The following RAF1 variants were observed in gnomAD, a reference collection of about 807,000 sequenced individuals.
RAF1 encodes Raf-1 proto-oncogene, serine/threonine kinase.
Under a neutral mutation model 81.1 loss-of-function variants are expected in RAF1, and 27 were observed. The ratio of observed to expected loss-of-function variants is 0.33; its 90% CI spans 0.25 to 0.46. RAF1 has a LOEUF of 0.46. Ranked by LOEUF, RAF1 falls within the 20% of genes least tolerant of loss-of-function variation. The pLI, the probability that RAF1 is intolerant of heterozygous loss-of-function variation, is 1.00. For synonymous variants in RAF1, 298 were observed against 294.0 expected, an observed-to-expected ratio of 1.01 and a Z score of -0.14; for missense variants, 598 against 826.0, an observed-to-expected ratio of 0.72 and a Z score of 3.38.
intron 1 of RAF1, among the ~76,000 whole-genome samples, chr3:12,627,006 A>G (rs1449503700): frequency 1.4e-5 from 2 of 147,804 alleles, no homozygotes; most frequent in Non-Finnish European, 3.0e-5. Flanking sequence ...CCTGGGTGAC[A>G]GCGAGACTCT....
chr3:12,619,549 G>A (rs1216505141), intron 1 of RAF1, among the ~76,000 whole-genome samples: 1 of 146,832 alleles, frequency 6.8e-6, no homozygotes, highest in Non-Finnish European at 1.5e-5. Flanking sequence ...TGGGGGACAA[G>A]AGCGAGACTC....
At chr3:12,629,517 C>A (rs775590862) in intron 1 of RAF1, among the ~76,000 whole-genome samples, 6 of 152,092 alleles carry the variant, frequency 3.9e-5, no homozygotes, top group East Asian at 1.9e-4. Context: ...CCCAACAACC[C>A]CCTATAAGAG....
intron 11 of RAF1, among the ~76,000 whole-genome samples, chr3:12,594,663 G>A: frequency 6.6e-6 from 1 of 152,126 alleles, no homozygotes; most frequent in East Asian, 1.9e-4. Context: ...TCTACTTTTT[G>A]GAACAATGAA....
chr3:12,586,274 C>A (rs1460776841), intron 14 of RAF1, among the ~76,000 whole-genome samples: 1 of 152,170 alleles, frequency 6.6e-6, no homozygotes, highest in Non-Finnish European at 1.5e-5. Flanking sequence ...AAATCCCTTA[C>A]TGAGTGTTCA....
chr3:12,655,876 T>G (rs79991023), intron 1 of RAF1, among the ~76,000 whole-genome samples: 3,170 of 151,938 alleles, frequency 0.021, 45 homozygotes, highest in Non-Finnish European at 0.032. Flanking sequence ...ATAGGCAAAT[T>G]CATAGAGAGA....
At chr3:12,644,706 A>T (rs569164226) in intron 1 of RAF1, among the ~76,000 whole-genome samples, 257 of 152,314 alleles carry the variant, frequency 1.7e-3, no homozygotes, top group Non-Finnish European at 3.2e-3. Context: ...GGACATTTTT[A>T]AGTTTTCTTC....
At chr3:12,651,035 T>C (rs2060507400) in intron 1 of RAF1, among the ~76,000 whole-genome samples, 1 of 152,212 alleles carries the variant, frequency 6.6e-6, no homozygotes, top group Non-Finnish European at 1.5e-5. Context: ...TGATGAAGGA[T>C]ACAGCCTTTC....
rs2125377335 is a variant in RAF1, at chr3:12,599,702, C to T, written c.1157G>A (p.Gly386Asp). The change falls in exon 11 of 18, where the codon GGT (glycine) becomes GAT (aspartate). Residue 386 changes from glycine (G) to aspartate (D), a missense_variant. Physicochemically the swap from Gly to Asp is moderately conservative, Grantham distance 94. Coordinates refer to ENST00000442415, the MANE Select transcript of RAF1 (RefSeq NM_001354689.3). ...GGCCCCAAGCTTACCGTGCCATTTA[C>T]CCTTATAAACAGTTCCAAAAGAGCC... 1 of 1,613,884 alleles carries T rather than the reference C, an allele frequency of 6.2e-7. No individual in the cohort carries two copies. The highest frequency in any genetic ancestry group is 8.5e-7 in the Non-Finnish European group (1 of 1,179,778).
intron 11 of RAF1, among the ~76,000 whole-genome samples, chr3:12,597,846 G>C (rs962820288): frequency 2.0e-5 from 3 of 151,626 alleles, no homozygotes; most frequent in African/African-American, 7.3e-5. Context: ...TTGAGCCCAG[G>C]AGGCAGAGAC....
At chr3:12,588,166 C>T (rs1216862875) in intron 13 of RAF1, 1 of 152,190 alleles carries the variant, frequency 6.6e-6, no homozygotes, top group African/African-American at 2.4e-5. Flanking sequence ...ACCCAATGTC[C>T]ATAAATGATG....
chr3:12,652,560 A>C (rs2060566650), intron 1 of RAF1, among the ~76,000 whole-genome samples: 1 of 151,950 alleles, frequency 6.6e-6, no homozygotes, highest in Non-Finnish European at 1.5e-5. Context: ...ATACTTACAG[A>C]CCATACATAA....
rs5746222 is a variant in RAF1, at chr3:12,600,045, G to T, written c.1050+107C>A. ...ACATTTATAATCTCCTTCATTGAAT[G>T]TATTTTATTAGAATCTTCTCCCAAA... On this transcript the variant is annotated intron_variant, in intron 10 of 17. Coordinates refer to ENST00000442415, the MANE Select transcript of RAF1 (RefSeq NM_001354689.3). 9.7e-4 allele frequency: 1,460 copies of T among 1,510,920 alleles called. 13 individuals carry two copies. The African/African-American group carries it at 0.016, about 16-fold the overall frequency. 93.6% of individuals were successfully genotyped at this position (1,510,920 alleles called of 1,614,324 possible). A position where few individuals can be genotyped will look rare whatever the true frequency, so the allele number is the denominator to read the frequency against.
intron 10 of RAF1, 65 bp from the exon 10 acceptor site, chr3:12,599,873 A>C: frequency 7.8e-7 from 1 of 1,281,140 alleles, no homozygotes; most frequent in Non-Finnish European, 1.1e-6. Flanking sequence ...TAATGAGGGC[A>C]TCAAAGGATC....
chr3:12,615,273 CAGG>C (rs2125442989), intron 2 of RAF1, among the ~76,000 whole-genome samples: 1 of 152,312 alleles, frequency 6.6e-6, no homozygotes, highest in South Asian at 2.1e-4. Context: ...GCAACAGCAG[CAGG>C]AGGAAGTCAA....
intron 1 of RAF1, among the ~76,000 whole-genome samples, chr3:12,624,317 C>A (rs2059634902): frequency 6.6e-6 from 1 of 152,106 alleles, no homozygotes; most frequent in African/African-American, 2.4e-5. Context: ...CTAAGGTATT[C>A]CTTTATCAAC....
At chr3:12,601,382 G>A (rs2058856728) in intron 8 of RAF1, among the ~76,000 whole-genome samples, 1 of 152,288 alleles carries the variant, frequency 6.6e-6, no homozygotes, top group East Asian at 1.9e-4. Context: ...CCTCATGGGA[G>A]AAAGCAAAGG....
At position 12,600,244 on chromosome 3, in the gene RAF1, G is replaced by T. The variant is rs1183645997; in HGVS notation, c.958C>A (p.Leu320Met). 9.9e-6 allele frequency: 16 copies of T among 1,614,090 alleles called. No homozygotes were observed. Among genetic ancestry groups the T allele is most frequent in the Non-Finnish European group, 1.4e-5 (16 of 1,180,050 alleles). The change falls in exon 10 of 18, where the codon CTG (leucine) becomes ATG (methionine). Residue 320 changes from leucine to methionine, a missense_variant. Around this residue, in one of 5 missense-constraint regions of RAF1, gnomAD observed 194 missense variants for 202.7 expected, o/e 0.96. Transcript: ENST00000442415. ...GGCTGTGACCAGCCTGTTGGGCTCA[G>T]ATTGTTGGGGCTACTGGACAGGGCT...
chr3:12,656,338 G>A (rs1316990478), intron 1 of RAF1, among the ~76,000 whole-genome samples: 2 of 152,072 alleles, frequency 1.3e-5, no homozygotes, highest in African/African-American at 4.8e-5. Context: ...AAGAGTCAGT[G>A]TCCTGCTAAA....
At chr3:12,645,759 A>AG (rs1485355930) in intron 1 of RAF1, among the ~76,000 whole-genome samples, 6 of 151,902 alleles carry the variant, frequency 3.9e-5, no homozygotes, top group Admixed American at 6.6e-5. Context: ...GGGTGGGGTG[A>AG]GGGGGGTGTC....
Sources: allele counts gnomAD v4.1 joint callset (sites outside exome capture counted in the v4.1 genomes callset), GRCh38; gene constraint gnomAD v4.1.1; regional missense constraint gnomAD v4.1.1; transcripts MANE v1.5; gene names NCBI Gene and HGNC (gene_info 2026-07-23, HGNC 2026-07-21).